Variants in RAPGEF4 observed in about 807,000 individuals in gnomAD.
The protein encoded by RAPGEF4 is Rap guanine nucleotide exchange factor 4.
A neutral mutation model predicts 147.9 loss-of-function variants in RAPGEF4; 66 were observed. That is an observed-to-expected ratio of 0.45 (90% CI 0.37 to 0.55). The LOEUF is 0.55. RAPGEF4 is among the 20% of genes least tolerant of loss of function. RAPGEF4 has a pLI of 0.00. For synonymous variants in RAPGEF4, 419 were observed against 442.7 expected (o/e 0.95, Z 0.67); for missense variants, 1,071 against 1,257.3 (o/e 0.85, Z 2.24).
intron 4 of RAPGEF4, among the ~76,000 whole-genome samples, chr2:172,874,836 A>G (rs1695690529): frequency 6.6e-6 from 1 of 152,216 alleles, no homozygotes; most frequent in Non-Finnish European, 1.5e-5. Flanking sequence ...GTCTTCCACA[A>G]TGGTTGAACA....
chr2:172,939,879 G>A (rs1227361481), intron 6 of RAPGEF4, among the ~76,000 whole-genome samples: 1 of 152,116 alleles, frequency 6.6e-6, no homozygotes, highest in Non-Finnish European at 1.5e-5. Flanking sequence ...TTCTTGAAAA[G>A]ACTGTCTTCT....
At chr2:172,842,680 G>C (rs950507116) in intron 4 of RAPGEF4, among the ~76,000 whole-genome samples, 1 of 152,232 alleles carries the variant, frequency 6.6e-6, no homozygotes, top group African/African-American at 2.4e-5. Context: ...CATGACAAGA[G>C]CCAGTGTCCC....
intron 29 of RAPGEF4, among the ~76,000 whole-genome samples, chr2:173,043,997 G>A (rs1015386030): frequency 9.2e-5 from 14 of 152,148 alleles, no homozygotes; most frequent in Admixed American, 2.6e-4. Context: ...ATTTAAGAGC[G>A]AGCTGACAAT....
chr2:172,802,307 T>C (rs1687061671), intron 3 of RAPGEF4, among the ~76,000 whole-genome samples: 1 of 152,210 alleles, frequency 6.6e-6, no homozygotes, highest in Non-Finnish European at 1.5e-5. Context: ...AATGAGTTTA[T>C]TGGACTTATA....
chr2:172,979,569 TC>T (rs1435527616), intron 10 of RAPGEF4, among the ~76,000 whole-genome samples: 1 of 152,238 alleles, frequency 6.6e-6, no homozygotes, highest in Non-Finnish European at 1.5e-5. Context: ...GATCTCAAAT[TC>T]AGTTTCTGCT....
chr2:172,931,981 G>GCCCCCCCCCCCCCCCCCCCT (rs3835837), intron 6 of RAPGEF4, among the ~76,000 whole-genome samples: 2 of 137,102 alleles, frequency 1.5e-5, no homozygotes, highest in Non-Finnish European at 3.2e-5. Context: ...ACTCCCATGC[G>GCCCCCCCCCCCCCCCCCCCT]CCCCCCACCC....
chr2:172,915,472 G>A (rs908751802), intron 4 of RAPGEF4, among the ~76,000 whole-genome samples: 6 of 151,948 alleles, frequency 3.9e-5, no homozygotes, highest in African/African-American at 9.7e-5. Flanking sequence ...AGGCCGAGGC[G>A]GGTGGATTGC....
intron 3 of RAPGEF4, among the ~76,000 whole-genome samples, chr2:172,799,611 G>A (rs1686763349): frequency 1.3e-5 from 2 of 152,176 alleles, no homozygotes; most frequent in African/African-American, 4.8e-5. Flanking sequence ...TGGGGACAGG[G>A]CCTACACAGG....
chr2:172,887,062 C>G (rs1697315465), intron 4 of RAPGEF4, among the ~76,000 whole-genome samples: 1 of 152,052 alleles, frequency 6.6e-6, no homozygotes, highest in South Asian at 2.1e-4. Context: ...TGACACATGC[C>G]TGTAATCCCA....
At chr2:172,819,196 A>G (rs1688804880) in intron 4 of RAPGEF4, among the ~76,000 whole-genome samples, 1 of 151,954 alleles carries the variant, frequency 6.6e-6, no homozygotes, top group South Asian at 2.1e-4. Flanking sequence ...GGGTTGCTCT[A>G]TCTTAAAGTC....
At chr2:173,036,881 A>G (rs949419193) in intron 29 of RAPGEF4, 189 bp downstream of exon 29, 11 of 510,566 alleles carry the variant, frequency 2.2e-5, no homozygotes, top group East Asian at 1.2e-4. Context: ...GTGAAATTGA[A>G]TAGTATTTGT....
intron 17 of RAPGEF4, among the ~76,000 whole-genome samples, chr2:173,008,972 G>T (rs1313341978): frequency 6.6e-6 from 1 of 152,166 alleles, no homozygotes; most frequent in Non-Finnish European, 1.5e-5. Flanking sequence ...CACCTCTTCT[G>T]ATTCTCAGCC....
chr2:172,895,328 A>T (rs1698362216), intron 4 of RAPGEF4, among the ~76,000 whole-genome samples: 1 of 152,128 alleles, frequency 6.6e-6, no homozygotes, highest in Non-Finnish European at 1.5e-5. Flanking sequence ...TGTCATTGGT[A>T]ACTGCTGGAA....
At chr2:172,855,821 A>T (rs1208287964) in intron 4 of RAPGEF4, among the ~76,000 whole-genome samples, 2 of 152,158 alleles carry the variant, frequency 1.3e-5, no homozygotes, top group African/African-American at 4.8e-5. Flanking sequence ...AGTTACTACT[A>T]ATATAGTTTT....
chr2:172,929,621 A>C (rs1490701499), intron 6 of RAPGEF4, among the ~76,000 whole-genome samples: 2 of 152,234 alleles, frequency 1.3e-5, no homozygotes, highest in Non-Finnish European at 2.9e-5. Flanking sequence ...TCAGCCAAAG[A>C]ATGACTCAGA....
At chr2:172,873,704 TA>T (rs1354320572) in intron 4 of RAPGEF4, among the ~76,000 whole-genome samples, 2 of 152,198 alleles carry the variant, frequency 1.3e-5, no homozygotes, top group African/African-American at 4.8e-5. Context: ...AAATGGGTTC[TA>T]ATTAAACTAA....
At chr2:172,783,001 A>G (rs1485820465) in intron 1 of RAPGEF4, among the ~76,000 whole-genome samples, 1 of 152,228 alleles carries the variant, frequency 6.6e-6, no homozygotes, top group East Asian at 1.9e-4. Flanking sequence ...ACAAGGCTGT[A>G]CTTCGATTTC....
At chr2:172,834,571 T>C (rs1268466663) in intron 4 of RAPGEF4, among the ~76,000 whole-genome samples, 1 of 152,214 alleles carries the variant, frequency 6.6e-6, no homozygotes. Flanking sequence ...GTAAATAAAT[T>C]TGTTTATTTG....
chr2:172,811,465 T>C (rs565980875), intron 3 of RAPGEF4, among the ~76,000 whole-genome samples: 19 of 152,380 alleles, frequency 1.2e-4, no homozygotes, highest in African/African-American at 4.3e-4. Context: ...TCTGTGTTAC[T>C]GTAAACATCT....
Sources: allele counts gnomAD v4.1 joint callset (sites outside exome capture counted in the v4.1 genomes callset), GRCh38; gene constraint gnomAD v4.1.1; transcripts MANE v1.5; gene names NCBI Gene and HGNC (gene_info 2026-07-23, HGNC 2026-07-21).